The following CHAMP1 variants were observed in gnomAD, a reference collection of about 807,000 sequenced individuals.
CHAMP1 encodes the protein chromosome alignment-maintaining phosphoprotein 1.
Under a neutral mutation model 54.5 loss-of-function variants are expected in CHAMP1, and 4 were observed. The observed-to-expected ratio is 0.07, with a 90% confidence interval of 0.04 to 0.17. CHAMP1 has a LOEUF of 0.17. Ranked by LOEUF, CHAMP1 falls within the 10% of genes least tolerant of loss-of-function variation. The pLI is 1.00. For missense variants in CHAMP1, 994 were observed against 968.6 expected (o/e 1.03, Z -0.35); for synonymous variants, 368 against 342.2 (o/e 1.08, Z -0.83).
chr13:114,325,876 G>C lies in CHAMP1; in HGVS notation c.2034G>C (p.Gln678His). The change falls in exon 3 of 3, where the codon CAG becomes CAC. Residue 678 changes from glutamine to histidine, a missense_variant. Gln to His is a conservative substitution (Grantham distance 24). Coordinates refer to ENST00000361283, the MANE Select transcript of CHAMP1 (RefSeq NM_032436.4). ...AAATGGACATGACTAGTCCAGAGCA[G>C]TCTAGAAATGTGCTACAGTTTACTG... ...ENKMDMTSPE[Q>H]SRNVLQFTEE... is the part of the protein sequence containing the mutation. 1.9e-6 allele frequency: 3 copies of C among 1,614,090 alleles called. No homozygotes were observed.
At position 114,324,585 on chromosome 13, in the gene CHAMP1, C is replaced by G. The variant is rs2087216645; in HGVS notation, c.743C>G (p.Pro248Arg). The change falls in exon 3 of 3, where the codon CCA becomes CGA. Residue 248 changes from proline to arginine, a missense_variant. Transcript: ENST00000361283. ...CCTTCAGCCTCATCTCCAGAGTCAC[C>G]AGTTCTAGCTGCTTCCCCAGAACCT... The part of the protein sequence containing the change: ...GPPSASSPES[P>R]VLAASPEPWG... 6.2e-7 allele frequency: 1 copy of G among 1,614,088 alleles called. No individual in the cohort carries two copies. The highest frequency in any genetic ancestry group is 1.7e-5 in the Admixed American group (1 of 60,002).
chr13:114,325,855 G>C lies in CHAMP1; in HGVS notation c.2013G>C (p.Met671Ile), dbSNP rs35812683. 1,896 of 1,614,094 alleles carry C rather than the reference G, an allele frequency of 1.2e-3. 18 individuals carry two copies. The African/African-American group carries it at 0.022, about 19-fold the overall frequency. ...ESIDFSKENKMDMTSPEQSRN... is the reference protein window; with the variant it reads ...ESIDFSKENKIDMTSPEQSRN... ...TTGATTTTAGCAAAGAGAACAAAATGGACATGACTAGTCCAGAGCAGTCTA... is the reference window on the plus strand; with the variant it reads ...TTGATTTTAGCAAAGAGAACAAAATCGACATGACTAGTCCAGAGCAGTCTA... The change falls in exon 3 of 3, where the codon ATG becomes ATC. Residue 671 changes from methionine (M) to isoleucine (I), a missense_variant. By Grantham distance (10) the Met-to-Ile change is conservative. Around this residue, in one of 3 missense-constraint regions of CHAMP1, gnomAD observed 851 missense variants for 701.3 expected, o/e 1.21. Coordinates refer to ENST00000361283, the MANE Select transcript of CHAMP1 (RefSeq NM_032436.4).
rs1389961130 is a variant in CHAMP1 at position 114,326,760 on chromosome 13, T to G, written c.*479T>G. The G allele has an allele frequency of 6.0e-6, 1 of 167,202 alleles. No homozygotes were observed. Among genetic ancestry groups the G allele is most frequent in the Non-Finnish European group, 1.5e-5 (1 of 68,260 alleles). The allele number at this position is 167,202 out of a possible 1,614,324, so 10.4% of individuals were successfully genotyped here. On this transcript the variant is annotated 3_prime_UTR_variant, in exon 3 of 3. Transcript: ENST00000361283. Reference sequence around the variant, plus strand: ...TTTTCTATCTGATGTAAAATTAGTTTATAAATCTTAATCAGCTTCTAGATG... The same window carrying G: ...TTTTCTATCTGATGTAAAATTAGTTGATAAATCTTAATCAGCTTCTAGATG...
At position 114,326,402 on chromosome 13, in the gene CHAMP1, G is replaced by C. The variant is rs1287901734; in HGVS notation, c.*121G>C. ...CATGTATGGTGTACCGTGTTTCACT[G>C]TCTCAGTTGTGTTACTAAGAATGAG... On this transcript the variant is annotated 3_prime_UTR_variant, in exon 3 of 3. Transcript: ENST00000361283. 1.4e-5 allele frequency: 16 copies of C among 1,145,570 alleles called. No individual in the cohort carries two copies. The highest frequency in any genetic ancestry group is 1.8e-5 in the Non-Finnish European group (15 of 839,722). 71.0% of individuals were successfully genotyped at this position (1,145,570 alleles called of 1,614,324 possible). A position where few individuals can be genotyped will look rare whatever the true frequency, so the allele number is the denominator to read the frequency against.
At position 114,314,585 on chromosome 13, in the gene CHAMP1, C is replaced by G. The variant is rs2087071329; in HGVS notation, c.-237C>G. On this transcript the variant is annotated 5_prime_UTR_variant, in exon 1 of 3. Coordinates refer to ENST00000361283, the MANE Select transcript of CHAMP1 (RefSeq NM_032436.4). ...AGGGCCTCGCGGAGCCGCCCGCGAC[C>G]GCGAGCCGGGCCCTCCGCGCGGTCC... The G allele has an allele frequency of 6.6e-6, 1 of 151,812 alleles. No individual in the cohort carries two copies. Among genetic ancestry groups the G allele is most frequent in the African/African-American group, 2.4e-5 (1 of 41,388 alleles). 9.4% of individuals were successfully genotyped at this position (151,812 alleles called of 1,614,324 possible). A position where few individuals can be genotyped will look rare whatever the true frequency, so the allele number is the denominator to read the frequency against.
intron 1 of CHAMP1, among the ~76,000 whole-genome samples, chr13:114,320,018 T>G (rs1402872126): frequency 6.6e-6 from 1 of 152,164 alleles, no homozygotes. Flanking sequence ...CAGATCACAT[T>G]AGGCTTCTGT....
chr13:114,323,918 T>C lies in CHAMP1; in HGVS notation c.76T>C (p.Tyr26His). ...CDHCSFRGTD[Y>H]ENVQIHMGTI... is the part of the protein sequence containing the mutation. ...CCATTGCAGTTTCAGAGGCACAGACTATGAAAATGTACAAATCCATATGGG... is the reference window on the plus strand; with the variant it reads ...CCATTGCAGTTTCAGAGGCACAGACCATGAAAATGTACAAATCCATATGGG... Residue 26 changes from tyrosine (Y) to histidine (H), a missense_variant, in exon 3 of 3, where the codon TAT (tyrosine) becomes CAT (histidine). By Grantham distance (83) the Tyr-to-His change is moderately conservative. This residue lies in a region of CHAMP1 where 84 missense variants were observed against 120.7 expected (regional missense o/e 0.70). Transcript: ENST00000361283. 1 of 1,614,216 alleles carries C rather than the reference T, an allele frequency of 6.2e-7. No homozygotes were observed. The highest frequency in any genetic ancestry group is 8.5e-7 in the Non-Finnish European group (1 of 1,180,028).
rs782411846 is a variant in CHAMP1, at chr13:114,325,541, G to A, written c.1699G>A (p.Ala567Thr). 1.2e-6 allele frequency: 2 copies of A among 1,614,114 alleles called. No homozygotes were observed. The highest frequency in any genetic ancestry group is 4.5e-5 in the East Asian group (2 of 44,886). The change falls in exon 3 of 3, where the codon GCT (alanine) becomes ACT (threonine). Residue 567 changes from alanine to threonine, a missense_variant. By Grantham distance (58) the Ala-to-Thr change is moderately conservative (BLOSUM62 0). Around this residue, in one of 3 missense-constraint regions of CHAMP1, gnomAD observed 851 missense variants for 701.3 expected, o/e 1.21. Transcript: ENST00000361283. ...HALFPELPKS[A>T]LFSESQKAVE... ...CCTTTTCCCTGAACTCCCCAAATCT[G>A]CTCTATTCTCAGAATCACAGAAGGC...
At chr13:114,316,962 C>G (rs2087106926) in intron 1 of CHAMP1, among the ~76,000 whole-genome samples, 1 of 152,042 alleles carries the variant, frequency 6.6e-6, no homozygotes, top group Non-Finnish European at 1.5e-5. Context: ...TGTACATTCC[C>G]TTCAGTTTTT....
rs1555379605 is a variant in CHAMP1 at position 114,324,799 on chromosome 13, C to T, written c.957C>T (p.Ser319=). 1.9e-6 allele frequency: 3 copies of T among 1,614,086 alleles called. No homozygotes were observed. The highest frequency in any genetic ancestry group is 8.5e-7 in the Non-Finnish European group (1 of 1,179,972). ...CTTGGAAACCAGGGCCACCTGGGTCCCCTAGGCCTTGGAAATCCAATCCTT... is the reference window on the plus strand; with the variant it reads ...CTTGGAAACCAGGGCCACCTGGGTCTCCTAGGCCTTGGAAATCCAATCCTT... The part of the protein sequence containing the change: ...PGSWKPGPPG[S]PRPWKSNPSA... Residue 319 remains serine (S), a synonymous_variant, in exon 3 of 3, where the codon TCC becomes TCT. Transcript: ENST00000361283.
rs1555379697 is a variant in CHAMP1 at position 114,325,084 on chromosome 13, A to G, written c.1242A>G (p.Pro414=). The G allele has an allele frequency of 2.5e-6, 4 of 1,614,052 alleles. No homozygotes were observed. Among genetic ancestry groups the G allele is most frequent in the Non-Finnish European group, 3.4e-6 (4 of 1,180,006 alleles). The change falls in exon 3 of 3, where the codon CCA becomes CCG. Residue 414 remains proline, a synonymous_variant. Transcript: ENST00000361283. The stretch of plus-strand genomic sequence containing the variant: ...CTGAACATTGGAAGGCAGTTCCCCC[A>G]GTGTCTCCAGAGCTTCGCAAACCCG... ...LSPEHWKAVP[P]VSPELRKPGP...
Position 114,324,568 on chromosome 13 carries a change from C to G in CHAMP1, c.726C>G (p.Ala242=), listed in dbSNP as rs1338948603. The change falls in exon 3 of 3, where the codon GCC becomes GCG. Residue 242 remains alanine, a synonymous_variant. Coordinates refer to ENST00000361283, the MANE Select transcript of CHAMP1 (RefSeq NM_032436.4). ...HFPETLGPPS[A]SSPESPVLAA... is the part of the protein sequence containing the mutation. ...CGGAAACATTGGGGCCACCTTCAGC[C>G]TCATCTCCAGAGTCACCAGTTCTAG... is the stretch of plus-strand genomic sequence containing the variant. 6.2e-7 allele frequency: 1 copy of G among 1,614,048 alleles called. No individual in the cohort carries two copies. The highest frequency in any genetic ancestry group is 8.5e-7 in the Non-Finnish European group (1 of 1,180,040).
Position 114,324,380 on chromosome 13 carries a change from G to T in CHAMP1, c.538G>T (p.Ala180Ser). Residue 180 changes from alanine (A) to serine (S), a missense_variant, in exon 3 of 3, where the codon GCC becomes TCC. Physicochemically the swap from Ala to Ser is moderately conservative, Grantham distance 99. This residue lies in a region of CHAMP1 where 851 missense variants were observed against 701.3 expected (regional missense o/e 1.21). Transcript: ENST00000361283. Reference sequence around the variant, plus strand: ...TCCTTCTCCTGAGCCTTCAAAACCTGCCTCTGTTTCTTCTCCTGAACCTCC... The same window carrying T: ...TCCTTCTCCTGAGCCTTCAAAACCTTCCTCTGTTTCTTCTCCTGAACCTCC... The part of the protein sequence containing the change: ...PLPSPEPSKP[A>S]SVSSPEPPKS... 1 of 1,614,074 alleles carries T rather than the reference G, an allele frequency of 6.2e-7. No homozygotes were observed. Among genetic ancestry groups the T allele is most frequent in the Admixed American group, 1.7e-5 (1 of 60,014 alleles).
intron 1 of CHAMP1, among the ~76,000 whole-genome samples, chr13:114,315,255 T>TA (rs145581765): frequency 6.6e-5 from 10 of 151,844 alleles, no homozygotes; most frequent in South Asian, 2.1e-4. Context: ...GGGTGGCTAT[T>TA]AAAAAAAAGG....
intron 1 of CHAMP1, among the ~76,000 whole-genome samples, chr13:114,316,473 C>T (rs1417686116): frequency 6.6e-6 from 1 of 151,370 alleles, no homozygotes; most frequent in Admixed American, 6.6e-5. Context: ...GCCTGTAGTC[C>T]CAGCTACTGG....
At chr13:114,321,693 C>G (rs1238803017) in intron 2 of CHAMP1, among the ~76,000 whole-genome samples, 2 of 152,150 alleles carry the variant, frequency 1.3e-5, no homozygotes, top group South Asian at 4.1e-4. Flanking sequence ...ACAATGGGCT[C>G]TGAGACGGAT....
chr13:114,325,611 A>C lies in CHAMP1; in HGVS notation c.1769A>C (p.Gln590Pro). The change falls in exon 3 of 3, where the codon CAA (glutamine) becomes CCA (proline). Residue 590 changes from glutamine to proline, a missense_variant. Physicochemically the swap from Gln to Pro is moderately conservative, Grantham distance 76. Coordinates refer to ENST00000361283, the MANE Select transcript of CHAMP1 (RefSeq NM_032436.4). ...DELQIDAIDDQKCDILVQEEL... is the reference protein window; with the variant it reads ...DELQIDAIDDPKCDILVQEEL... ...CTACAAATAGATGCCATAGATGATC[A>C]AAAATGTGATATTTTGGTTCAGGAA... The C allele has an allele frequency of 1.2e-6, 2 of 1,614,214 alleles. No individual in the cohort carries two copies. Among genetic ancestry groups the C allele is most frequent in the Non-Finnish European group, 1.7e-6 (2 of 1,180,044 alleles).
At position 114,325,674 on chromosome 13, in the gene CHAMP1, C is replaced by G. The variant is rs782050876; in HGVS notation, c.1832C>G (p.Thr611Ser). ...LASPKKLLEDTLFPSSKKLKK... is the reference protein window; with the variant it reads ...LASPKKLLEDSLFPSSKKLKK... Reference sequence around the variant, plus strand: ...TCACCTAAGAAACTCTTAGAAGATACTTTATTTCCTTCCTCAAAGAAGCTC... The same window carrying G: ...TCACCTAAGAAACTCTTAGAAGATAGTTTATTTCCTTCCTCAAAGAAGCTC... Residue 611 changes from threonine to serine, a missense_variant, in exon 3 of 3, where the codon ACT becomes AGT. By Grantham distance (58) the Thr-to-Ser change is moderately conservative. Transcript: ENST00000361283. 2 of 1,613,824 alleles carry G rather than the reference C, an allele frequency of 1.2e-6. No individual in the cohort carries two copies. The highest frequency in any genetic ancestry group is 4.5e-5 in the East Asian group (2 of 44,888).
Position 114,326,378 on chromosome 13 carries a change from A to C in CHAMP1, c.*97A>C. 1 of 1,350,206 alleles carries C rather than the reference A, an allele frequency of 7.4e-7. No homozygotes were observed. The allele number at this position is 1,350,206 out of a possible 1,614,324, so 83.6% of individuals were successfully genotyped here. ...TAGCATAGTTGGATCAGTAGATGACATGTATGGTGTACCGTGTTTCACTGT... is the reference window on the plus strand; with the variant it reads ...TAGCATAGTTGGATCAGTAGATGACCTGTATGGTGTACCGTGTTTCACTGT... On this transcript the variant is annotated 3_prime_UTR_variant, in exon 3 of 3. Coordinates refer to ENST00000361283, the MANE Select transcript of CHAMP1 (RefSeq NM_032436.4).
Sources: allele counts gnomAD v4.1 joint callset (sites outside exome capture counted in the v4.1 genomes callset), GRCh38; gene constraint gnomAD v4.1.1; regional missense constraint gnomAD v4.1.1; transcripts MANE v1.5; gene names NCBI Gene and HGNC (gene_info 2026-07-23, HGNC 2026-07-21).